Variants in OR9G1 observed in about 807,000 individuals in gnomAD.
The protein encoded by OR9G1 is olfactory receptor family 9 subfamily G member 1, also known as olfactory receptor 9G1.
A neutral mutation model predicts 14.5 loss-of-function variants in OR9G1; 21 were observed. That is an observed-to-expected ratio of 1.45 (90% CI 1.03 to 2.09). OR9G1 has a LOEUF of 2.09. Among genes scored for constraint, OR9G1 ranks in the 30% most tolerant of loss-of-function variants. The probability of loss-of-function intolerance (pLI) is 0.00; values close to 1 mark genes in which losing one functional copy is unlikely to be tolerated. For missense variants in OR9G1, 476 were observed against 364.2 expected (o/e 1.31, Z -2.50); for synonymous variants, 179 against 153.3 (o/e 1.17, Z -1.24).
Position 56,700,558 on chromosome 11 carries a change from C to T in OR9G1, c.171C>T (p.Pro57=), listed in dbSNP as rs1857599263. The T allele has an allele frequency of 2.5e-6, 4 of 1,614,318 alleles. No individual in the cohort carries two copies. In the East Asian group the frequency reaches 6.7e-5, roughly 27 times the overall value. Residue 57 remains proline (P), a synonymous_variant, in exon 2 of 2, where the codon CCC becomes CCT. Transcript: ENST00000642097. ...LICNDSCLHT[P]MYFFTGNLSF... is the part of the protein sequence containing the mutation. ...GTAATGACTCCTGCCTCCACACACC[C>T]ATGTATTTTTTCACTGGAAATCTGT... is the stretch of plus-strand genomic sequence containing the variant.
chr11:56,701,544 A>T lies in OR9G1; in HGVS notation c.*239A>T. 1.6e-6 allele frequency: 1 copy of T among 633,058 alleles called. No homozygotes were observed. Among genetic ancestry groups the T allele is most frequent in the Non-Finnish European group, 2.5e-6 (1 of 400,540 alleles). 39.2% of individuals were successfully genotyped at this position (633,058 alleles called of 1,614,324 possible). A position where few individuals can be genotyped will look rare whatever the true frequency, so the allele number is the denominator to read the frequency against. ...AAACAAACATAAACCTTAAGCCCAA[A>T]ACCTCTCCTATACCTTCATAAAGTG... is the stretch of plus-strand genomic sequence containing the variant. On this transcript the variant is annotated 3_prime_UTR_variant, in exon 2 of 2. Transcript: ENST00000642097.
chr11:56,702,496 A>G lies in OR9G1; in HGVS notation c.*1191A>G, dbSNP rs1223229502. The G allele has an allele frequency of 1.3e-5, 2 of 152,246 alleles. No individual in the cohort carries two copies. Among genetic ancestry groups the G allele is most frequent in the East Asian group, 3.8e-4 (2 of 5,200 alleles). 9.4% of individuals were successfully genotyped at this position (152,246 alleles called of 1,614,324 possible). ...TATTGTTTTTCAAAATGGCTGTGCT[A>G]ATGTACATTCCCATCAATGGAGTAT... On this transcript the variant is annotated 3_prime_UTR_variant, in exon 2 of 2. Transcript: ENST00000642097.
At position 56,701,971 on chromosome 11, in the gene OR9G1, A is replaced by C. The variant is rs1373213500; in HGVS notation, c.*666A>C. 6.6e-6 allele frequency: 1 copy of C among 152,314 alleles called. No homozygotes were observed. The highest frequency in any genetic ancestry group is 1.9e-4 in the East Asian group (1 of 5,206). The allele number at this position is 152,314 out of a possible 1,614,324, so 9.4% of individuals were successfully genotyped here. A position where few individuals can be genotyped will look rare whatever the true frequency, so the allele number is the denominator to read the frequency against. ...CAGGGGTGAACTTACAAGGACTTTT[A>C]CATTAAAATTGTGACCTTCTGAGCA... On this transcript the variant is annotated 3_prime_UTR_variant, in exon 2 of 2. Transcript: ENST00000642097.
At chr11:56,700,340 G>A (rs78119960) in intron 1 of OR9G1, 30 bp from the exon 2 acceptor site, 1 of 1,600,886 alleles carries the variant, frequency 6.2e-7, no homozygotes, top group Non-Finnish European at 8.5e-7. Flanking sequence ...TGACAGTAAT[G>A]CAAACTGAGC....
Position 56,703,678 on chromosome 11 carries a change from C to A in OR9G1, c.*2373C>A, listed in dbSNP as rs1468390620. ...CTTAAAACACCGTGGTATCATAAACCCTGACATGTAACTATAGAAGAGAGT... is the reference window on the plus strand; with the variant it reads ...CTTAAAACACCGTGGTATCATAAACACTGACATGTAACTATAGAAGAGAGT... On this transcript the variant is annotated 3_prime_UTR_variant, in exon 2 of 2. Transcript: ENST00000642097. 1 of 152,308 alleles carries A rather than the reference C, an allele frequency of 6.6e-6. No homozygotes were observed. The highest frequency in any genetic ancestry group is 2.4e-5 in the African/African-American group (1 of 41,484). 9.4% of individuals were successfully genotyped at this position (152,308 alleles called of 1,614,324 possible).
In OR9G1 at chr11:56,699,193, A is replaced by T. The variant is rs982008388; in HGVS notation, c.-19+3A>T. The T allele has an allele frequency of 6.5e-5, 10 of 152,940 alleles. No homozygotes were observed. The highest frequency in any genetic ancestry group is 1.5e-5 in the Non-Finnish European group (1 of 68,478). The allele number at this position is 152,940 out of a possible 1,614,324, so 9.5% of individuals were successfully genotyped here. ...AGAAGTAGAAGCAAACCAGACAGGTATGACAACCTGAAAACCAAGTAAAGA... is the reference window on the plus strand; with the variant it reads ...AGAAGTAGAAGCAAACCAGACAGGTTTGACAACCTGAAAACCAAGTAAAGA... On this transcript the variant is annotated splice_donor_region_variant and intron_variant, in intron 1 of 1. Coordinates refer to ENST00000642097, the MANE Select transcript of OR9G1 (RefSeq NM_001005213.2).
rs1857596771 is a variant in OR9G1, at chr11:56,700,513, C to T, written c.126C>T (p.Ser42=). Residue 42 remains serine, a synonymous_variant, in exon 2 of 2, where the codon AGC becomes AGT. Transcript: ENST00000642097. ...ACTCTCTCACTGTGGTAGGAAATAG[C>T]ACCCTCATCGTGTTGATCTGTAATG... ...GVYSLTVVGN[S]TLIVLICNDS... 6.2e-7 allele frequency: 1 copy of T among 1,614,318 alleles called. No homozygotes were observed. The highest frequency in any genetic ancestry group is 8.5e-7 in the Non-Finnish European group (1 of 1,180,056).
chr11:56,701,395 T>G lies in OR9G1; in HGVS notation c.*90T>G. 1 of 1,481,352 alleles carries G rather than the reference T, an allele frequency of 6.8e-7. No homozygotes were observed. Among genetic ancestry groups the G allele is most frequent in the Non-Finnish European group, 8.9e-7 (1 of 1,120,148 alleles). 91.8% of individuals were successfully genotyped at this position (1,481,352 alleles called of 1,614,324 possible). A position where few individuals can be genotyped will look rare whatever the true frequency, so the allele number is the denominator to read the frequency against. On this transcript the variant is annotated 3_prime_UTR_variant, in exon 2 of 2. Coordinates refer to ENST00000642097, the MANE Select transcript of OR9G1 (RefSeq NM_001005213.2). ...ACAGAGTTACCATTGTGCTTTATCG[T>G]GATCAGTCCCCTTCTTGACACGTGA... is the stretch of plus-strand genomic sequence containing the variant.
rs1857592964 is a variant in OR9G1, at chr11:56,700,415, G to C, written c.28G>C (p.Glu10Gln). 6.2e-7 allele frequency: 1 copy of C among 1,614,300 alleles called. No homozygotes were observed. The highest frequency in any genetic ancestry group is 8.5e-7 in the Non-Finnish European group (1 of 1,180,058). The part of the protein sequence containing the change: MQRSNHTVT[E>Q]FILLGFTTDP... ...GCAGAGGAGCAATCATACAGTGACT[G>C]AGTTTATACTGCTGGGCTTCACCAC... The change falls in exon 2 of 2, where the codon GAG (glutamate) becomes CAG (glutamine). Residue 10 changes from glutamate to glutamine, a missense_variant. Physicochemically the swap from Glu to Gln is conservative, Grantham distance 29 (BLOSUM62 2). Coordinates refer to ENST00000642097, the MANE Select transcript of OR9G1 (RefSeq NM_001005213.2).
chr11:56,700,899 A>G lies in OR9G1; in HGVS notation c.512A>G (p.Asn171Ser). 1.2e-6 allele frequency: 2 copies of G among 1,614,254 alleles called. No individual in the cohort carries two copies. Among genetic ancestry groups the G allele is most frequent in the Non-Finnish European group, 1.7e-6 (2 of 1,180,002 alleles). ...TTTTCCTTTAACTTCTGCCGTGAAAACATCATTGATGACTTTTTCTGTGAT... is the reference window on the plus strand; with the variant it reads ...TTTTCCTTTAACTTCTGCCGTGAAAGCATCATTGATGACTTTTTCTGTGAT... The part of the protein sequence containing the change: ...KTFSFNFCRE[N>S]IIDDFFCDLL... Residue 171 changes from asparagine (N) to serine (S), a missense_variant, in exon 2 of 2, where the codon AAC (asparagine) becomes AGC (serine). Coordinates refer to ENST00000642097, the MANE Select transcript of OR9G1 (RefSeq NM_001005213.2).
rs1857628719 is a variant in OR9G1 at position 56,701,329 on chromosome 11, A to G, written c.*24A>G. The G allele has an allele frequency of 6.4e-7, 1 of 1,572,968 alleles. No homozygotes were observed. The highest frequency in any genetic ancestry group is 1.7e-4 in the Middle Eastern group (1 of 5,832). On this transcript the variant is annotated 3_prime_UTR_variant, in exon 2 of 2. Coordinates refer to ENST00000642097, the MANE Select transcript of OR9G1 (RefSeq NM_001005213.2). ...AAATCAAGATTATCTCCACCAGAGG[A>G]GAAACAAAGACGACCTTAGATGGAG...
At chr11:56,700,131 C>G (rs1857585291) in intron 1 of OR9G1, among the ~76,000 whole-genome samples, 1 of 152,306 alleles carries the variant, frequency 6.6e-6, no homozygotes, top group African/African-American at 2.4e-5. Context: ...ATTATAAGTA[C>G]ATCTTTTCTT....
Position 56,701,047 on chromosome 11 carries a change from C to G in OR9G1, c.660C>G (p.Ile220Met), listed in dbSNP as rs1565048257. The change falls in exon 2 of 2, where the codon ATC becomes ATG. Residue 220 changes from isoleucine (I) to methionine (M), a missense_variant. Around this residue, in one of 3 missense-constraint regions of OR9G1, gnomAD observed 352 missense variants for 211.6 expected, o/e 1.66. Transcript: ENST00000642097. ...TCATCCTGGCCTCCTACCTCTTTAT[C>G]ATCACCAGTGTCTTGAGGATCTCCT... is the stretch of plus-strand genomic sequence containing the variant. ...AVLILASYLF[I>M]ITSVLRISSS... 3 of 1,614,312 alleles carry G rather than the reference C, an allele frequency of 1.9e-6. No individual in the cohort carries two copies. Among genetic ancestry groups the G allele is most frequent in the Non-Finnish European group, 1.7e-6 (2 of 1,180,050 alleles).
At position 56,700,488 on chromosome 11, in the gene OR9G1, A is replaced by G. The variant is rs150259232; in HGVS notation, c.101A>G (p.Tyr34Cys). 6.2e-7 allele frequency: 1 copy of G among 1,614,306 alleles called. No homozygotes were observed. The highest frequency in any genetic ancestry group is 8.5e-7 in the Non-Finnish European group (1 of 1,180,062). Reference sequence around the variant, plus strand: ...CTCTTCGTGGTGTTCCTGGGCGTGTACTCTCTCACTGTGGTAGGAAATAGC... The same window carrying G: ...CTCTTCGTGGTGTTCCTGGGCGTGTGCTCTCTCACTGTGGTAGGAAATAGC... ...LGLFVVFLGV[Y>C]SLTVVGNSTL... Residue 34 changes from tyrosine (Y) to cysteine (C), a missense_variant, in exon 2 of 2, where the codon TAC (tyrosine) becomes TGC (cysteine). Transcript: ENST00000642097.
chr11:56,700,029 C>A (rs1386733072), intron 1 of OR9G1, among the ~76,000 whole-genome samples: 1 of 152,300 alleles, frequency 6.6e-6, no homozygotes, highest in Non-Finnish European at 1.5e-5. Context: ...ATTTTAAAGA[C>A]AAACAAGTGA....
At position 56,703,815 on chromosome 11, in the gene OR9G1, TC is replaced by T. The variant is rs1857685772; in HGVS notation, c.*2511del. On this transcript the variant is annotated 3_prime_UTR_variant, in exon 2 of 2. Transcript: ENST00000642097. ...TATATCCATATATTGTAAACATAGC[TC>T]GCTAAGTGCATATTCATATTATTTT... The T allele has an allele frequency of 9.7e-4, 1 of 1,028 alleles. No individual in the cohort carries two copies. The highest frequency in any genetic ancestry group is 2.8e-3 in the African/African-American group (1 of 358). The allele number at this position is 1,028 out of a possible 1,614,324, so 0.1% of individuals were successfully genotyped here.
rs941842428 is a variant in OR9G1, at chr11:56,703,704, C to T, written c.*2399C>T. On this transcript the variant is annotated 3_prime_UTR_variant, in exon 2 of 2. Coordinates refer to ENST00000642097, the MANE Select transcript of OR9G1 (RefSeq NM_001005213.2). ...CTGACATGTAACTATAGAAGAGAGT[C>T]TCAAACTACTTGACGGCTTCTATTC... is the stretch of plus-strand genomic sequence containing the variant. 1 of 152,314 alleles carries T rather than the reference C, an allele frequency of 6.6e-6. No individual in the cohort carries two copies. The highest frequency in any genetic ancestry group is 2.4e-5 in the African/African-American group (1 of 41,486). The allele number at this position is 152,314 out of a possible 1,614,324, so 9.4% of individuals were successfully genotyped here. A position where few individuals can be genotyped will look rare whatever the true frequency, so the allele number is the denominator to read the frequency against.
chr11:56,702,634 T>C lies in OR9G1; in HGVS notation c.*1329T>C, dbSNP rs190775665. ...TAATATACGAAGTGATATTTCATTA[T>C]GATAAGTGAAATAAGCCAGGCACAG... On this transcript the variant is annotated 3_prime_UTR_variant, in exon 2 of 2. Coordinates refer to ENST00000642097, the MANE Select transcript of OR9G1 (RefSeq NM_001005213.2). The C allele has an allele frequency of 2.0e-5, 3 of 152,190 alleles. No homozygotes were observed. The highest frequency in any genetic ancestry group is 7.2e-5 in the African/African-American group (3 of 41,530). The allele number at this position is 152,190 out of a possible 1,614,324, so 9.4% of individuals were successfully genotyped here.
rs937601168 is a variant in OR9G1, at chr11:56,701,753, T to G, written c.*448T>G. Reference sequence around the variant, plus strand: ...ATCTTAAACATTGTTCTACATGCTTTCCCCCCACAAGAAGAATTAGCACAA... The same window carrying G: ...ATCTTAAACATTGTTCTACATGCTTGCCCCCCACAAGAAGAATTAGCACAA... On this transcript the variant is annotated 3_prime_UTR_variant, in exon 2 of 2. Transcript: ENST00000642097. 6.4e-6 allele frequency: 1 copy of G among 156,274 alleles called. No homozygotes were observed. Among genetic ancestry groups the G allele is most frequent in the African/African-American group, 2.4e-5 (1 of 41,608 alleles). The allele number at this position is 156,274 out of a possible 1,614,324, so 9.7% of individuals were successfully genotyped here. A position where few individuals can be genotyped will look rare whatever the true frequency, so the allele number is the denominator to read the frequency against.
Sources: gnomAD v4.1 joint callset for allele counts (sites outside exome capture counted in the v4.1 genomes callset) on GRCh38, gnomAD v4.1.1 for gene constraint, gnomAD v4.1.1 regional missense constraint, MANE v1.5 for transcripts, NCBI Gene and HGNC (gene_info 2026-07-23, HGNC 2026-07-21) for gene names.